Variants in SAMD12 observed in about 807,000 individuals in gnomAD.
The protein encoded by SAMD12 is sterile alpha motif domain-containing protein 12.
Under a neutral mutation model 15.0 loss-of-function variants are expected in SAMD12, and 9 were observed. That is an observed-to-expected ratio of 0.60 (90% CI 0.36 to 1.05). The LOEUF is 1.05. Ranked by LOEUF, SAMD12 falls within the 50% of genes least tolerant of loss-of-function variation. The pLI is 0.01. For missense variants in SAMD12, 230 were observed against 234.2 expected, an observed-to-expected ratio of 0.98 and a Z score of 0.12; for synonymous variants, 86 against 90.1, an observed-to-expected ratio of 0.96 and a Z score of 0.25.
chr8:118,272,498 C>T (rs1366333828), intron 4 of SAMD12, among the ~76,000 whole-genome samples: 2 of 152,160 alleles, frequency 1.3e-5, no homozygotes. Flanking sequence ...CATTTGGCGC[C>T]TTGTTAGTTA....
chr8:118,246,435 T>C (rs1412268257), intron 4 of SAMD12, among the ~76,000 whole-genome samples: 1 of 152,162 alleles, frequency 6.6e-6, no homozygotes, highest in African/African-American at 2.4e-5. Context: ...GTGGAAATCA[T>C]TTTGATATCA....
the SAMD12 span, among the ~76,000 whole-genome samples, chr8:118,142,604 G>A: frequency 6.6e-6 from 1 of 152,210 alleles, no homozygotes; most frequent in Non-Finnish European, 1.5e-5. Flanking sequence ...GCAGACCAGA[G>A]TATTTGCTTC....
In SAMD12 at chr8:118,560,357, C is replaced by T. The variant is rs569444868; in HGVS notation, c.192+20358G>A. Reference sequence around the variant, plus strand: ...ATAGTCTTTATGGTATGATATAGTTCACTGACAGCCATGTAGAATTATTAC... The same window carrying T: ...ATAGTCTTTATGGTATGATATAGTTTACTGACAGCCATGTAGAATTATTAC... On this transcript the variant is annotated intron_variant, in intron 2 of 3. Transcript: ENST00000314727. Among the ~76,000 whole-genome samples, 5 of 152,274 alleles carry T rather than the reference C, an allele frequency of 3.3e-5. No homozygotes were observed. The East Asian group carries it at 9.6e-4, about 29-fold the overall frequency.
At chr8:118,347,262 T>C (rs1817713793) in intron 4 of SAMD12, among the ~76,000 whole-genome samples, 1 of 152,172 alleles carries the variant, frequency 6.6e-6, no homozygotes, top group Non-Finnish European at 1.5e-5. Context: ...GGATCCTTCC[T>C]AGCATGTGCC....
At chr8:118,366,206 C>T (rs1422305239) in intron 4 of SAMD12, among the ~76,000 whole-genome samples, 1 of 152,170 alleles carries the variant, frequency 6.6e-6, no homozygotes, top group Non-Finnish European at 1.5e-5. Flanking sequence ...GAAATAAACA[C>T]ATCTTGCTAA....
At chr8:118,171,923 C>T in the SAMD12 span, among the ~76,000 whole-genome samples, 1 of 151,864 alleles carries the variant, frequency 6.6e-6, no homozygotes, top group Non-Finnish European at 1.5e-5. Context: ...CACATATACG[C>T]CATAAAAAAG....
chr8:118,512,258 G>T (rs934968489), intron 2 of SAMD12, among the ~76,000 whole-genome samples: 6 of 152,310 alleles, frequency 3.9e-5, no homozygotes, highest in African/African-American at 1.4e-4. Flanking sequence ...ACTGCCATAT[G>T]CAGAGATAGC....
intron 3 of SAMD12, among the ~76,000 whole-genome samples, chr8:118,384,997 C>G (rs1819875235): frequency 6.6e-6 from 1 of 152,088 alleles, no homozygotes; most frequent in Admixed American, 6.6e-5. Flanking sequence ...GAGGATGTTC[C>G]CGCAGCAGGA....
chr8:118,397,323 C>A (rs965807416), intron 3 of SAMD12, among the ~76,000 whole-genome samples: 2 of 152,064 alleles, frequency 1.3e-5, no homozygotes, highest in Non-Finnish European at 1.5e-5. Context: ...AGGACACTCC[C>A]AAGGGGCGAC....
chr8:118,518,852 T>A (rs1179923271), intron 2 of SAMD12, among the ~76,000 whole-genome samples: 1 of 152,318 alleles, frequency 6.6e-6, no homozygotes, highest in Non-Finnish European at 1.5e-5. Flanking sequence ...GTCTTCTTTA[T>A]CTCAATTTCC....
At chr8:118,139,460 GC>G in the SAMD12 span, among the ~76,000 whole-genome samples, 2 of 152,178 alleles carry the variant, frequency 1.3e-5, no homozygotes, top group South Asian at 4.1e-4. Flanking sequence ...CTAGCTTGAA[GC>G]CCTCTTCCTG....
intron 1 of SAMD12, 78 bp from the exon 2 acceptor site, chr8:118,580,971 C>T (rs1827282732): frequency 8.7e-7 from 1 of 1,154,830 alleles, no homozygotes; most frequent in Non-Finnish European, 1.2e-6. Context: ...ATTCATCAAG[C>T]CTAAGTAGGA....
intron 4 of SAMD12, among the ~76,000 whole-genome samples, chr8:118,221,510 A>AAAAT (rs900955705): frequency 2.0e-5 from 3 of 152,312 alleles, no homozygotes; most frequent in African/African-American, 4.8e-5. Flanking sequence ...CAAGAAGTAA[A>AAAAT]AAATAAATAA....
At chr8:118,475,196 G>A (rs1430811841) in intron 2 of SAMD12, among the ~76,000 whole-genome samples, 2 of 152,102 alleles carry the variant, frequency 1.3e-5, no homozygotes, top group East Asian at 1.9e-4. Flanking sequence ...CTGAGATCAC[G>A]CCCCTGCACT....
chr8:118,240,308 T>A (rs567675141), intron 4 of SAMD12, among the ~76,000 whole-genome samples: 1 of 152,282 alleles, frequency 6.6e-6, no homozygotes, highest in African/African-American at 2.4e-5. Context: ...ACTCCTAGAT[T>A]TGTGACTCTC....
intron 4 of SAMD12, chr8:118,288,199 C>A (rs1323169123): frequency 1.3e-5 from 2 of 152,134 alleles, no homozygotes; most frequent in African/African-American, 4.8e-5. Flanking sequence ...ATTCTCAAAA[C>A]AATACTGCAA....
intron 4 of SAMD12, among the ~76,000 whole-genome samples, chr8:118,319,678 G>C (rs7841049): frequency 0.49 from 74,386 of 152,022 alleles, 20,655 homozygotes; most frequent in African/African-American, 0.77. Context: ...TGATGCAGAC[G>C]AGGAAGAGCT....
chr8:118,497,730 G>GGT (rs1563895272), intron 2 of SAMD12, among the ~76,000 whole-genome samples: 3 of 114,446 alleles, frequency 2.6e-5, no homozygotes, highest in African/African-American at 1.2e-4. Context: ...TTGCGGGGGG[G>GGT]GGTGGGGGGA....
intron 1 of SAMD12, among the ~76,000 whole-genome samples, chr8:118,599,192 T>C (rs1253365932): frequency 2.6e-5 from 4 of 152,184 alleles, no homozygotes; most frequent in African/African-American, 9.7e-5. Flanking sequence ...TGGCGTGTAC[T>C]TTGTAGTCTG....
Sources: gnomAD v4.1 joint callset for allele counts (sites outside exome capture counted in the v4.1 genomes callset) on GRCh38, gnomAD v4.1.1 for gene constraint, MANE v1.5 for transcripts, NCBI Gene and HGNC (gene_info 2026-07-23, HGNC 2026-07-21) for gene names.